Variants in CHD7 observed in about 807,000 individuals in gnomAD.
CHD7 encodes ATP-dependent chromatin remodeler CHD7.
A neutral mutation model predicts 307.3 loss-of-function variants in CHD7; 24 were observed. That is an observed-to-expected ratio of 0.08 (90% CI 0.06 to 0.11). CHD7 has a LOEUF of 0.11. CHD7 is among the 10% of genes least tolerant of loss of function. The pLI is 1.00. For missense variants in CHD7, 3,106 were observed against 3,727.1 expected (o/e 0.83, Z 4.34); for synonymous variants, 1,363 against 1,349.9 (o/e 1.01, Z -0.21).
chr8:60,862,675 T>C, intron 37 of CHD7, 23 bp downstream of exon 37: 1 of 1,456,386 alleles, frequency 6.9e-7, no homozygotes, highest in Non-Finnish European at 9.4e-7. Context: ...TGCATTTCTA[T>C]CAAGAAAGGT....
intron 12 of CHD7, 98 bp downstream of exon 12, chr8:60,822,844 T>A: frequency 8.4e-7 from 1 of 1,193,948 alleles, no homozygotes. Context: ...GTCTAAATTT[T>A]GCCAAATTGA....
At chr8:60,749,481 T>C (rs1027183065) in intron 2 of CHD7, among the ~76,000 whole-genome samples, 1 of 151,654 alleles carries the variant, frequency 6.6e-6, no homozygotes, top group East Asian at 1.9e-4. Context: ...AAGGATTACG[T>C]ATGCAGGTTG....
chr8:60,726,556 T>C (rs1586222679), intron 1 of CHD7, among the ~76,000 whole-genome samples: 1 of 152,356 alleles, frequency 6.6e-6, no homozygotes, highest in African/African-American at 2.4e-5. Context: ...GAGTGCTAAT[T>C]ATCTACAAAG....
At chr8:60,818,023 T>A (rs1803829614) in intron 8 of CHD7, among the ~76,000 whole-genome samples, 1 of 152,242 alleles carries the variant, frequency 6.6e-6, no homozygotes, top group African/African-American at 2.4e-5. Context: ...AGGTTGAATG[T>A]ACATTATTTA....
At chr8:60,854,689 A>G (rs1805626300) in intron 32 of CHD7, among the ~76,000 whole-genome samples, 166 bp downstream of exon 32, 1 of 152,256 alleles carries the variant, frequency 6.6e-6, no homozygotes, top group Non-Finnish European at 1.5e-5. Flanking sequence ...AAAAGCCCAA[A>G]GAAAAAAATT....
intron 1 of CHD7, among the ~76,000 whole-genome samples, chr8:60,714,551 G>A (rs183786708): frequency 1.3e-5 from 2 of 152,284 alleles, no homozygotes; most frequent in East Asian, 3.9e-4. Context: ...ACCTGGCTCA[G>A]CCCTCAGCCC....
At chr8:60,847,839 AT>A (rs1563654592) in intron 23 of CHD7, among the ~76,000 whole-genome samples, 2 of 151,690 alleles carry the variant, frequency 1.3e-5, no homozygotes, top group African/African-American at 4.8e-5. Flanking sequence ...CTAATGTTTA[AT>A]TTTTTTTTCA....
Position 60,743,101 on chromosome 8 carries a change from A to T in CHD7, c.1665+4A>T. Reference sequence around the variant, plus strand: ...GCAGAAAGTGCCTGTGCATCAGGTAAGGGGACACAGAGCCTACCTCTGCAT... The same window carrying T: ...GCAGAAAGTGCCTGTGCATCAGGTATGGGGACACAGAGCCTACCTCTGCAT... On this transcript the variant is annotated splice_donor_region_variant and intron_variant, in intron 2 of 37. Coordinates refer to ENST00000423902, the MANE Select transcript of CHD7 (RefSeq NM_017780.4). The T allele has an allele frequency of 6.2e-7, 1 of 1,609,836 alleles. No individual in the cohort carries two copies. Among genetic ancestry groups the T allele is most frequent in the Non-Finnish European group, 8.5e-7 (1 of 1,177,080 alleles).
chr8:60,782,491 A>G (rs1033461669), intron 3 of CHD7, among the ~76,000 whole-genome samples: 4 of 152,210 alleles, frequency 2.6e-5, no homozygotes, highest in Admixed American at 2.0e-4. Context: ...AACAACTCCA[A>G]ATACATTATT....
Position 60,865,634 on chromosome 8 carries a change from GC to G in CHD7, c.8699del (p.Pro2900ArgfsTer17). On this transcript the variant is annotated frameshift_variant, in exon 38 of 38. Coordinates refer to ENST00000423902, the MANE Select transcript of CHD7 (RefSeq NM_017780.4). LOFTEE classifies it high-confidence loss of function. The surrounding 1 kb of genome is among the most constrained non-coding windows in gnomAD (Gnocchi z 4.3). ...AFNPFLLSTM[A>X]PGLFYPSMFL... ...CAACCCTTTCCTCCTGTCCACAATGGCCCCGGGCCTCTTCTACCCATCCATG... is the reference window on the plus strand; with the variant it reads ...CAACCCTTTCCTCCTGTCCACAATGGCCCGGGCCTCTTCTACCCATCCATG... The G allele has an allele frequency of 6.2e-7, 1 of 1,611,872 alleles. No individual in the cohort carries two copies. The highest frequency in any genetic ancestry group is 8.5e-7 in the Non-Finnish European group (1 of 1,178,262).
Position 60,853,469 on chromosome 8 carries a change from C to T in CHD7, c.6744C>T (p.Asp2248=), listed in dbSNP as rs1032877391. ...EEDEEEKLED[D]DKSEESSQPE... ...ATGAAGAGGAAAAGCTGGAGGATGACGATAAGTCGGAAGAGTCTTCCCAGC... is the reference window on the plus strand; with the variant it reads ...ATGAAGAGGAAAAGCTGGAGGATGATGATAAGTCGGAAGAGTCTTCCCAGC... The change falls in exon 31 of 38, where the codon GAC becomes GAT. Residue 2248 remains aspartate, a synonymous_variant. Transcript: ENST00000423902. 13 of 1,516,534 alleles carry T rather than the reference C, an allele frequency of 8.6e-6. No individual in the cohort carries two copies. The highest frequency in any genetic ancestry group is 6.8e-5 in the Admixed American group (3 of 44,072). The allele number at this position is 1,516,534 out of a possible 1,614,324, so 93.9% of individuals were successfully genotyped here. A position where few individuals can be genotyped will look rare whatever the true frequency, so the allele number is the denominator to read the frequency against.
intron 1 of CHD7, among the ~76,000 whole-genome samples, chr8:60,705,300 G>A (rs757985154): frequency 6.6e-6 from 1 of 152,086 alleles, no homozygotes; most frequent in East Asian, 1.9e-4. Context: ...CTATCAGAGG[G>A]GCTCCTATTT....
chr8:60,829,322 A>G (rs1280535539), intron 14 of CHD7, among the ~76,000 whole-genome samples: 1 of 152,238 alleles, frequency 6.6e-6, no homozygotes, highest in South Asian at 2.1e-4. Flanking sequence ...TGCTTGGGCC[A>G]GGCGCGGTGG....
At chr8:60,732,408 C>G (rs1182184231) in intron 1 of CHD7, among the ~76,000 whole-genome samples, 5 of 152,220 alleles carry the variant, frequency 3.3e-5, no homozygotes, top group Admixed American at 2.0e-4. Context: ...TGCCTCACCT[C>G]TGCATCCTCC....
At chr8:60,779,226 A>AT (rs957134136) in intron 2 of CHD7, among the ~76,000 whole-genome samples, 35 of 152,190 alleles carry the variant, frequency 2.3e-4, no homozygotes, top group African/African-American at 6.7e-4. Context: ...GGGTGAAGTG[A>AT]TTTTTTCCCA....
chr8:60,702,158 G>A (rs1249102745), intron 1 of CHD7, among the ~76,000 whole-genome samples: 2 of 152,174 alleles, frequency 1.3e-5, no homozygotes, highest in African/African-American at 2.4e-5. Context: ...TAGTTGTGAG[G>A]ATTATATGGG....
intron 1 of CHD7, among the ~76,000 whole-genome samples, chr8:60,683,083 C>T (rs1481000428): frequency 2.0e-5 from 3 of 152,102 alleles, no homozygotes; most frequent in Admixed American, 6.5e-5. Context: ...ATTTGTGTAT[C>T]TTAAAAAAAT....
intron 1 of CHD7, among the ~76,000 whole-genome samples, chr8:60,704,167 C>T (rs998827397): frequency 6.6e-6 from 1 of 152,152 alleles, no homozygotes; most frequent in Non-Finnish European, 1.5e-5. Context: ...TTACTCTTCC[C>T]AAGTTATTGG....
intron 34 of CHD7, 62 bp downstream of exon 34, chr8:60,856,950 G>A: frequency 7.1e-7 from 1 of 1,399,790 alleles, no homozygotes; most frequent in East Asian, 2.3e-5. Flanking sequence ...GTCCTGTGAT[G>A]CTCACGATGC....
Sources: gnomAD v4.1 joint callset for allele counts (sites outside exome capture counted in the v4.1 genomes callset) on GRCh38, gnomAD v4.1.1 for gene constraint, Gnocchi (gnomAD v3.1) non-coding constraint, MANE v1.5 for transcripts, NCBI Gene and HGNC (gene_info 2026-07-23, HGNC 2026-07-21) for gene names.